FCHSD2: variants seen among roughly 807,000 people sequenced by gnomAD.
FCHSD2 encodes FCH and double SH3 domains 2, also known as F-BAR and double SH3 domains protein 2.
Under a neutral mutation model 108.1 loss-of-function variants are expected in FCHSD2, and 38 were observed. The ratio of observed to expected loss-of-function variants is 0.35; its 90% CI spans 0.27 to 0.46. The LOEUF (loss-of-function observed/expected upper bound fraction) is 0.46. Ranked by LOEUF, FCHSD2 falls within the 20% of genes least tolerant of loss-of-function variation. The pLI is 1.00. For missense variants in FCHSD2, 751 were observed against 897.8 expected (o/e 0.84, Z 2.09); for synonymous variants, 279 against 314.7 (o/e 0.89, Z 1.20).
rs12364876 is a variant in FCHSD2 at position 72,871,365 on chromosome 11, A to G, written c.1147-3339T>C. Among the ~76,000 whole-genome samples the G allele has an allele frequency of 6.0e-3, 907 of 152,296 alleles. 4 individuals carry two copies. Among genetic ancestry groups the G allele is most frequent in the Admixed American group, 0.012 (178 of 15,296 alleles). ...TCAACTCTTGCTTTGTTCAGAGTCA[A>G]TGTGTTTTGTGTCATTCTCTTTTGC... is the stretch of plus-strand genomic sequence containing the variant. On this transcript the variant is annotated intron_variant, in intron 12 of 19. Transcript: ENST00000409418.
intron 13 of FCHSD2, among the ~76,000 whole-genome samples, chr11:72,866,671 A>C (rs943189362): frequency 3.3e-5 from 5 of 152,244 alleles, no homozygotes; most frequent in Non-Finnish European, 7.3e-5. Flanking sequence ...ATTAATAGTT[A>C]AATGAAAATA....
intron 2 of FCHSD2, among the ~76,000 whole-genome samples, chr11:73,099,889 A>C (rs1379355491): frequency 6.6e-6 from 1 of 152,092 alleles, no homozygotes; most frequent in Non-Finnish European, 1.5e-5. Flanking sequence ...CTCCGAGGGG[A>C]CTTTCGGCAC....
rs1860838585 is a variant in FCHSD2 at position 73,125,695 on chromosome 11, T to C, written c.119+14336A>G. 2.6e-5 allele frequency among the ~76,000 whole-genome samples: 4 copies of C among 151,726 alleles called. No individual in the cohort carries two copies. The South Asian group carries it at 8.3e-4, about 32-fold the overall frequency. ...AACCTAGCCCAGACAACAGAGACCC[T>C]GTCTCAAGACAAAAAAAAACACAAT... On this transcript the variant is annotated intron_variant, in intron 2 of 19. Transcript: ENST00000409418.
At chr11:73,109,100 T>C (rs1202055637) in intron 2 of FCHSD2, among the ~76,000 whole-genome samples, 2 of 152,226 alleles carry the variant, frequency 1.3e-5, no homozygotes, top group African/African-American at 4.8e-5. Flanking sequence ...TGTGTGTCTG[T>C]TTTTATGCCA....
At chr11:72,958,437 G>T (rs918013895) in intron 8 of FCHSD2, among the ~76,000 whole-genome samples, 3 of 152,184 alleles carry the variant, frequency 2.0e-5, no homozygotes, top group African/African-American at 7.2e-5. Flanking sequence ...AGAATCACTG[G>T]AACCCAGGAG....
rs72984927 is a variant in FCHSD2, at chr11:73,141,661, G to A, written c.21+196C>T. 6.4e-3 allele frequency among the ~76,000 whole-genome samples: 971 copies of A among 152,332 alleles called. 7 individuals carry two copies. Among genetic ancestry groups the A allele is most frequent in the African/African-American group, 0.022 (920 of 41,576 alleles). ...GTCTCCTGCGTTAGAGGACGGACGA[G>A]CCCCGGCGGCCCCTCTGTCGGAAAG... On this transcript the variant is annotated intron_variant, in intron 1 of 19. Coordinates refer to ENST00000409418, the MANE Select transcript of FCHSD2 (RefSeq NM_014824.3).
rs184478726 is a variant in FCHSD2, at chr11:73,108,137, T to C, written c.120-24397A>G. 2.0e-4 allele frequency among the ~76,000 whole-genome samples: 31 copies of C among 152,362 alleles called. No individual in the cohort carries two copies. The East Asian group carries it at 5.0e-3, about 25-fold the overall frequency. ...ACTGGGGTAATATCTCATTGTAGTT[T>C]TGATATGCATTTCTCTGATGATCAA... On this transcript the variant is annotated intron_variant, in intron 2 of 19. Coordinates refer to ENST00000409418, the MANE Select transcript of FCHSD2 (RefSeq NM_014824.3).
At chr11:72,880,713 C>T (rs1255456847) in intron 12 of FCHSD2, among the ~76,000 whole-genome samples, 5 of 151,664 alleles carry the variant, frequency 3.3e-5, no homozygotes, top group African/African-American at 1.2e-4. Flanking sequence ...CCCAGGAGTT[C>T]GAGACCAGTC....
chr11:73,092,191 G>A (rs561320817), intron 2 of FCHSD2, among the ~76,000 whole-genome samples: 168 of 152,172 alleles, frequency 1.1e-3, no homozygotes, highest in African/African-American at 3.4e-3. Context: ...ACATTGGTGC[G>A]ATCATAGCTC....
intron 17 of FCHSD2, 49 bp from the exon 18 acceptor site, chr11:72,841,632 G>A (rs750189689): frequency 3.3e-6 from 5 of 1,522,600 alleles, no homozygotes; most frequent in Non-Finnish European, 4.4e-6. Context: ...CCAGGAAGGA[G>A]AGCCTGGCTG....
At chr11:72,850,635 G>A (rs895534442) in intron 13 of FCHSD2, among the ~76,000 whole-genome samples, 7 of 152,066 alleles carry the variant, frequency 4.6e-5, no homozygotes, top group Admixed American at 1.3e-4. Context: ...TTACAGGTGT[G>A]AGCCACCGTG....
Position 72,931,917 on chromosome 11 carries a change from T to C in FCHSD2, c.706-9967A>G, listed in dbSNP as rs377006140. 6.6e-5 allele frequency among the ~76,000 whole-genome samples: 10 copies of C among 152,350 alleles called. No individual in the cohort carries two copies. The East Asian group carries it at 1.9e-3, about 29-fold the overall frequency. On this transcript the variant is annotated intron_variant, in intron 8 of 19. Transcript: ENST00000409418. ...CTGGGTCAATGCCATTGTTTCATTGTTGTTGTTTTAAATTTTTATCAGACT... is the reference window on the plus strand; with the variant it reads ...CTGGGTCAATGCCATTGTTTCATTGCTGTTGTTTTAAATTTTTATCAGACT...
intron 3 of FCHSD2, among the ~76,000 whole-genome samples, chr11:73,076,386 T>C (rs765077318): frequency 6.6e-6 from 1 of 152,184 alleles, no homozygotes; most frequent in Non-Finnish European, 1.5e-5. Context: ...TAATGATGCA[T>C]AGTAAAACAT....
intron 5 of FCHSD2, among the ~76,000 whole-genome samples, chr11:72,996,898 G>A (rs1857528209): frequency 6.6e-6 from 1 of 152,156 alleles, no homozygotes; most frequent in Non-Finnish European, 1.5e-5. Context: ...TCAACTTAAT[G>A]TTTTTCCTTA....
rs955404176 is a variant in FCHSD2, at chr11:72,837,764, G to A, written c.*1027C>T. On this transcript the variant is annotated 3_prime_UTR_variant, in exon 20 of 20. Coordinates refer to ENST00000409418, the MANE Select transcript of FCHSD2 (RefSeq NM_014824.3). ...GGTTCTTCCTTCCACGGAAATGTCA[G>A]GGTAGTGGGACCTGGAAGCTGCATT... The A allele has an allele frequency of 6.6e-6, 1 of 152,266 alleles. No homozygotes were observed. The highest frequency in any genetic ancestry group is 1.5e-5 in the Non-Finnish European group (1 of 68,078). 9.4% of individuals were successfully genotyped at this position (152,266 alleles called of 1,614,324 possible).
At position 72,935,871 on chromosome 11, in the gene FCHSD2, G is replaced by A. The variant is rs933876153; in HGVS notation, c.706-13921C>T. ...ACCAGGAAAGGAAAATTTCAATGCTGTTTTTCTATAAAGCTTGTGTTATCC... is the reference window on the plus strand; with the variant it reads ...ACCAGGAAAGGAAAATTTCAATGCTATTTTTCTATAAAGCTTGTGTTATCC... On this transcript the variant is annotated intron_variant, in intron 8 of 19. Transcript: ENST00000409418. Among the ~76,000 whole-genome samples, 15 of 152,228 alleles carry A rather than the reference G, an allele frequency of 9.9e-5. No homozygotes were observed. The South Asian group carries it at 3.1e-3, about 32-fold the overall frequency.
At chr11:73,098,262 T>G (rs1860137307) in intron 2 of FCHSD2, among the ~76,000 whole-genome samples, 1 of 152,168 alleles carries the variant, frequency 6.6e-6, no homozygotes. Flanking sequence ...TTTGTTCTCA[T>G]TTGTCTCAAA....
intron 2 of FCHSD2, among the ~76,000 whole-genome samples, chr11:73,111,559 C>T (rs1860486293): frequency 6.6e-6 from 1 of 151,500 alleles, no homozygotes; most frequent in African/African-American, 2.4e-5. Context: ...ATCCAGTCAG[C>T]CACTCTATGT....
chr11:73,023,877 TTTG>T (rs1418344048), intron 3 of FCHSD2, among the ~76,000 whole-genome samples: 1 of 152,184 alleles, frequency 6.6e-6, no homozygotes, highest in East Asian at 1.9e-4. Flanking sequence ...TAAAATGCAT[TTTG>T]TTAAGTCAAA....
Sources: gnomAD v4.1 joint callset for allele counts (sites outside exome capture counted in the v4.1 genomes callset) on GRCh38, gnomAD v4.1.1 for gene constraint, MANE v1.5 for transcripts, NCBI Gene and HGNC (gene_info 2026-07-23, HGNC 2026-07-21) for gene names.